Variants in B3GALT1 observed in about 807,000 individuals in gnomAD.
B3GALT1 encodes the protein beta-1,3-galactosyltransferase 1.
In B3GALT1, 10 loss-of-function variants were observed where a neutral mutation model predicts 23.2. The observed-to-expected ratio is 0.43, with a 90% CI of 0.27 to 0.73. B3GALT1 has a LOEUF of 0.73. B3GALT1 is among the 30% of genes least tolerant of loss of function. The probability of loss-of-function intolerance (pLI) is 0.21; values close to 1 mark genes in which losing one functional copy is unlikely to be tolerated. For synonymous variants in B3GALT1, 156 were observed against 141.5 expected (o/e 1.10, Z -0.73); for missense variants, 299 against 405.4 (o/e 0.74, Z 2.25).
At chr2:167,727,257 T>C (rs1054334943) in intron 3 of B3GALT1, among the ~76,000 whole-genome samples, 2 of 152,236 alleles carry the variant, frequency 1.3e-5, no homozygotes, top group Non-Finnish European at 1.5e-5. Context: ...TAGCTCATTT[T>C]CTAGTGTTTT....
At chr2:167,462,381 G>A (rs562544905) in intron 1 of B3GALT1, among the ~76,000 whole-genome samples, 5 of 152,220 alleles carry the variant, frequency 3.3e-5, no homozygotes. Flanking sequence ...TACTCCTCAT[G>A]GTCCTTACTG....
intron 3 of B3GALT1, among the ~76,000 whole-genome samples, chr2:167,795,947 T>C (rs971141226): frequency 1.3e-5 from 2 of 152,244 alleles, no homozygotes; most frequent in Admixed American, 1.3e-4. Context: ...TCATCTGGTT[T>C]CTCCTGGAAC....
intron 3 of B3GALT1, among the ~76,000 whole-genome samples, chr2:167,699,089 C>A (rs967314311): frequency 6.6e-6 from 1 of 152,038 alleles, no homozygotes; most frequent in African/African-American, 2.4e-5. Flanking sequence ...CATCAGGAGC[C>A]AAAAGGGAAT....
At chr2:167,443,797 A>G (rs1365358446) in intron 1 of B3GALT1, among the ~76,000 whole-genome samples, 1 of 152,224 alleles carries the variant, frequency 6.6e-6, no homozygotes, top group Non-Finnish European at 1.5e-5. Flanking sequence ...TAAATATACA[A>G]TCATGTCATC....
intron 1 of B3GALT1, among the ~76,000 whole-genome samples, chr2:167,306,764 A>C (rs932729864): frequency 1.3e-5 from 2 of 152,000 alleles, no homozygotes; most frequent in Non-Finnish European, 2.9e-5. Flanking sequence ...TAGAAGAACA[A>C]ATTCAGACAT....
intron 2 of B3GALT1, among the ~76,000 whole-genome samples, chr2:167,523,980 CA>C (rs1275833050): frequency 1.3e-5 from 2 of 152,028 alleles, no homozygotes; most frequent in Non-Finnish European, 2.9e-5. Flanking sequence ...AACAATACTG[CA>C]AATGATTATT....
At chr2:167,806,506 T>C (rs1008824268) in intron 3 of B3GALT1, among the ~76,000 whole-genome samples, 5 of 152,174 alleles carry the variant, frequency 3.3e-5, no homozygotes, top group African/African-American at 1.2e-4. Flanking sequence ...ATACCTAACT[T>C]ATTGAGAGTT....
intron 3 of B3GALT1, among the ~76,000 whole-genome samples, chr2:167,789,715 G>A (rs1050774069): frequency 1.3e-5 from 2 of 152,100 alleles, no homozygotes; most frequent in Non-Finnish European, 2.9e-5. Flanking sequence ...GAATGTTATT[G>A]TAGATCCCTC....
intron 1 of B3GALT1, among the ~76,000 whole-genome samples, chr2:167,397,738 A>G (rs1212527539): frequency 6.6e-6 from 1 of 152,190 alleles, no homozygotes; most frequent in Non-Finnish European, 1.5e-5. Context: ...CTGTGTTCTC[A>G]GGTTCTGAAT....
intron 1 of B3GALT1, among the ~76,000 whole-genome samples, chr2:167,358,415 T>C (rs558456646): frequency 6.6e-6 from 1 of 152,360 alleles, no homozygotes; most frequent in South Asian, 2.1e-4. Flanking sequence ...CACATTCTAC[T>C]TGATAGATCT....
At chr2:167,732,223 C>T (rs1024264655) in intron 3 of B3GALT1, among the ~76,000 whole-genome samples, 1 of 152,108 alleles carries the variant, frequency 6.6e-6, no homozygotes, top group Non-Finnish European at 1.5e-5. Context: ...AATTAGAATA[C>T]ATTAAGAGGC....
intron 4 of B3GALT1, among the ~76,000 whole-genome samples, chr2:167,844,338 C>T (rs967257366): frequency 1.6e-4 from 25 of 152,174 alleles, no homozygotes; most frequent in African/African-American, 4.3e-4. Flanking sequence ...CAAGAACAAA[C>T]CAGAAATCCC....
intron 3 of B3GALT1, among the ~76,000 whole-genome samples, chr2:167,669,654 C>T (rs1355409248): frequency 6.6e-6 from 1 of 152,120 alleles, no homozygotes; most frequent in Non-Finnish European, 1.5e-5. Flanking sequence ...TGTACATTTA[C>T]ACTTTAGAAA....
chr2:167,326,369 T>C (rs962369414), intron 1 of B3GALT1, among the ~76,000 whole-genome samples: 4 of 152,032 alleles, frequency 2.6e-5, no homozygotes, highest in African/African-American at 9.7e-5. Context: ...GTAAACATTT[T>C]CTCCCATTAA....
chr2:167,805,584 A>T (rs1397124386), intron 3 of B3GALT1, among the ~76,000 whole-genome samples: 1 of 152,172 alleles, frequency 6.6e-6, no homozygotes, highest in Non-Finnish European at 1.5e-5. Flanking sequence ...TTAAATAGGG[A>T]ATCCTTTCCC....
intron 3 of B3GALT1, among the ~76,000 whole-genome samples, chr2:167,669,380 G>C (rs1051408746): frequency 1.3e-5 from 2 of 152,188 alleles, no homozygotes; most frequent in African/African-American, 4.8e-5. Flanking sequence ...CTTGAGGACA[G>C]AGTTTCAAGT....
intron 2 of B3GALT1, among the ~76,000 whole-genome samples, chr2:167,637,306 G>A (rs577929032): frequency 4.7e-4 from 71 of 152,048 alleles, no homozygotes; most frequent in Non-Finnish European, 8.2e-4. Flanking sequence ...ATGTTCTGAC[G>A]GCCGCAGCAC....
intron 3 of B3GALT1, among the ~76,000 whole-genome samples, chr2:167,655,553 T>C (rs1407513577): frequency 6.6e-6 from 1 of 152,120 alleles, no homozygotes; most frequent in Non-Finnish European, 1.5e-5. Context: ...GCAAGGGAGC[T>C]CAGAAAGTAT....
At chr2:167,347,522 A>T (rs1428346153) in intron 1 of B3GALT1, among the ~76,000 whole-genome samples, 1 of 152,194 alleles carries the variant, frequency 6.6e-6, no homozygotes, top group Non-Finnish European at 1.5e-5. Context: ...GAGGTTCTGC[A>T]TCAGCAGGTT....
Sources: gnomAD v4.1 joint callset for allele counts (sites outside exome capture counted in the v4.1 genomes callset) on GRCh38, gnomAD v4.1.1 for gene constraint, MANE v1.5 for transcripts, NCBI Gene and HGNC (gene_info 2026-07-23, HGNC 2026-07-21) for gene names.